Variants in LRRC4C observed in about 807,000 individuals in gnomAD.
The protein encoded by LRRC4C is leucine-rich repeat-containing protein 4C.
LRRC4C carries 5 observed loss-of-function variants against 33.6 expected under a neutral mutation model. The observed-to-expected ratio is 0.15, with a 90% CI of 0.08 to 0.31. The LOEUF (loss-of-function observed/expected upper bound fraction) is 0.31. LRRC4C is among the 10% of genes least tolerant of loss of function. The pLI, the probability that LRRC4C is intolerant of heterozygous loss-of-function variation, is 1.00. For missense variants in LRRC4C, 560 were observed against 796.7 expected (o/e 0.70, Z 3.58); for synonymous variants, 329 against 302.0 (o/e 1.09, Z -0.93).
chr11:41,459,207 G>A (rs1246550675), intron 1 of LRRC4C, among the ~76,000 whole-genome samples: 3 of 152,074 alleles, frequency 2.0e-5, no homozygotes, highest in Non-Finnish European at 4.4e-5. Flanking sequence ...AGATAAACAA[G>A]AGAGGTACAA....
intron 4 of LRRC4C, among the ~76,000 whole-genome samples, chr11:40,283,295 T>A (rs1943605120): frequency 1.3e-5 from 2 of 152,260 alleles, no homozygotes; most frequent in Non-Finnish European, 2.9e-5. Flanking sequence ...CATACCCATG[T>A]ACTTGCACAA....
At chr11:40,294,550 C>G (rs1039125412) in intron 4 of LRRC4C, among the ~76,000 whole-genome samples, 1 of 152,108 alleles carries the variant, frequency 6.6e-6, no homozygotes. Context: ...ATTGCTTAGC[C>G]GGGCGCGGTG....
intron 4 of LRRC4C, among the ~76,000 whole-genome samples, chr11:40,311,697 A>T (rs4755544): frequency 2.0e-5 from 3 of 152,030 alleles, no homozygotes; most frequent in Non-Finnish European, 2.9e-5. Context: ...CTGTAATCCC[A>T]GTATTTTGGG....
At chr11:40,288,127 T>C (rs1267994060) in intron 4 of LRRC4C, among the ~76,000 whole-genome samples, 1 of 152,170 alleles carries the variant, frequency 6.6e-6, no homozygotes, top group Non-Finnish European at 1.5e-5. Context: ...ATTTTACAGA[T>C]AAGCAAACAG....
intron 2 of LRRC4C, among the ~76,000 whole-genome samples, chr11:40,866,169 T>TAAA (rs34472076): frequency 0.034 from 4,582 of 135,166 alleles, 103 homozygotes; most frequent in African/African-American, 0.047. Context: ...TAATTCTACT[T>TAAA]AAAAAAAAAA....
intron 1 of LRRC4C, among the ~76,000 whole-genome samples, chr11:41,117,362 CAACAT>C (rs1942187482): frequency 6.6e-6 from 1 of 152,080 alleles, no homozygotes; most frequent in African/African-American, 2.4e-5. Context: ...TATTAAGTAT[CAACAT>C]AACAAAATAC....
At chr11:41,007,590 G>C (rs2137475807) in intron 1 of LRRC4C, among the ~76,000 whole-genome samples, 1 of 152,194 alleles carries the variant, frequency 6.6e-6, no homozygotes, top group East Asian at 1.9e-4. Context: ...GACCGTGGTA[G>C]CCAAGTAAGT....
intron 2 of LRRC4C, among the ~76,000 whole-genome samples, chr11:40,689,909 G>C (rs1945147993): frequency 6.6e-6 from 1 of 152,072 alleles, no homozygotes; most frequent in South Asian, 2.1e-4. Context: ...CTTACCCATA[G>C]TTGCATTTGG....
intron 2 of LRRC4C, among the ~76,000 whole-genome samples, chr11:40,818,852 C>T (rs1435752375): frequency 1.3e-5 from 2 of 152,060 alleles, no homozygotes; most frequent in African/African-American, 4.8e-5. Flanking sequence ...CTAAATAATA[C>T]TGCACCCATT....
intron 3 of LRRC4C, among the ~76,000 whole-genome samples, chr11:40,448,224 A>G (rs1951727351): frequency 6.6e-6 from 1 of 152,078 alleles, no homozygotes; most frequent in Non-Finnish European, 1.5e-5. Context: ...ATTCACAGAG[A>G]TCTTGGTCTA....
At chr11:41,182,364 C>G (rs1945490110) in intron 1 of LRRC4C, among the ~76,000 whole-genome samples, 1 of 152,136 alleles carries the variant, frequency 6.6e-6, no homozygotes, top group Non-Finnish European at 1.5e-5. Context: ...TTGAATATCT[C>G]TGAAATTTCA....
At chr11:41,336,904 C>T (rs958246592) in intron 1 of LRRC4C, among the ~76,000 whole-genome samples, 3 of 151,828 alleles carry the variant, frequency 2.0e-5, no homozygotes, top group African/African-American at 7.3e-5. Context: ...ATGCAATAAA[C>T]ACATCAGACA....
At chr11:41,290,355 T>C (rs1386592338) in intron 1 of LRRC4C, among the ~76,000 whole-genome samples, 1 of 152,154 alleles carries the variant, frequency 6.6e-6, no homozygotes, top group Non-Finnish European at 1.5e-5. Context: ...AAACTTTGAA[T>C]ATCTGTAGAA....
At chr11:41,291,507 T>C (rs1275999993) in intron 1 of LRRC4C, among the ~76,000 whole-genome samples, 1 of 152,198 alleles carries the variant, frequency 6.6e-6, no homozygotes, top group East Asian at 1.9e-4. Flanking sequence ...ATTCTAACAT[T>C]TTGTCAAAGA....
chr11:40,794,205 A>C (rs1270237446), intron 2 of LRRC4C, among the ~76,000 whole-genome samples: 1 of 152,142 alleles, frequency 6.6e-6, no homozygotes, highest in Non-Finnish European at 1.5e-5. Context: ...ATGGTTCAGG[A>C]ATCTTCTATT....
chr11:41,340,087 A>T (rs139836742), intron 1 of LRRC4C, among the ~76,000 whole-genome samples: 1 of 152,306 alleles, frequency 6.6e-6, no homozygotes, highest in East Asian at 1.9e-4. Context: ...TATGGGCTAC[A>T]TTATCTTTTT....
At chr11:41,160,601 A>G (rs972915044) in intron 1 of LRRC4C, among the ~76,000 whole-genome samples, 2 of 152,176 alleles carry the variant, frequency 1.3e-5, no homozygotes, top group Non-Finnish European at 2.9e-5. Context: ...GCTTGGAAAT[A>G]TATGAATTGG....
At chr11:40,778,417 T>C (rs1950093818) in intron 2 of LRRC4C, among the ~76,000 whole-genome samples, 1 of 152,204 alleles carries the variant, frequency 6.6e-6, no homozygotes, top group South Asian at 2.1e-4. Context: ...ATGAGGAAAC[T>C]GAAGTGCAAA....
intron 2 of LRRC4C, among the ~76,000 whole-genome samples, chr11:40,931,283 C>T (rs1365477147): frequency 6.6e-6 from 1 of 152,088 alleles, no homozygotes; most frequent in Non-Finnish European, 1.5e-5. Flanking sequence ...GGTTTTCTTC[C>T]TTCTATTGTG....
Sources: allele counts gnomAD v4.1 joint callset (sites outside exome capture counted in the v4.1 genomes callset), GRCh38; gene constraint gnomAD v4.1.1; transcripts MANE v1.5; gene names NCBI Gene and HGNC (gene_info 2026-07-23, HGNC 2026-07-21).